SYT14: variants seen among roughly 807,000 people sequenced by gnomAD.
SYT14 encodes synaptotagmin-14.
Under a neutral mutation model 74.2 loss-of-function variants are expected in SYT14, and 32 were observed. The ratio of observed to expected loss-of-function variants is 0.43; its 90% CI spans 0.33 to 0.58. The LOEUF (loss-of-function observed/expected upper bound fraction) is 0.58, where lower values mean the gene tolerates loss of function less well. SYT14 is among the 20% of genes least tolerant of loss of function. The pLI is 0.05. For missense variants in SYT14, 791 were observed against 981.8 expected (o/e 0.81, Z 2.60); for synonymous variants, 298 against 337.7 (o/e 0.88, Z 1.29).
At chr1:210,136,271 C>T (rs536088670) in intron 7 of SYT14, among the ~76,000 whole-genome samples, 4 of 151,640 alleles carry the variant, frequency 2.6e-5, no homozygotes, top group Non-Finnish European at 4.4e-5. Context: ...TGTGTGTATG[C>T]GTGCATGTGT....
intron 5 of SYT14, among the ~76,000 whole-genome samples, chr1:210,036,842 G>T (rs2080675496): frequency 6.6e-6 from 1 of 151,982 alleles, no homozygotes; most frequent in Non-Finnish European, 1.5e-5. Context: ...CTAGTACTTT[G>T]TTGAAGATTT....
chr1:210,045,643 C>T (rs1354333322), intron 5 of SYT14, among the ~76,000 whole-genome samples: 1 of 152,100 alleles, frequency 6.6e-6, no homozygotes, highest in Non-Finnish European at 1.5e-5. Context: ...GAAAATGCAA[C>T]TTCTTATCTT....
At chr1:210,146,348 A>G (rs1032172944) in intron 7 of SYT14, among the ~76,000 whole-genome samples, 2 of 151,856 alleles carry the variant, frequency 1.3e-5, no homozygotes, top group African/African-American at 4.8e-5. Flanking sequence ...AAAAGAAAAA[A>G]CAGTATATGG....
At chr1:210,109,089 C>T (rs1364928530) in intron 7 of SYT14, among the ~76,000 whole-genome samples, 3 of 151,892 alleles carry the variant, frequency 2.0e-5, no homozygotes. Flanking sequence ...AAGGTTGAAT[C>T]CAGAATCAAA....
chr1:210,021,315 T>A, intron 5 of SYT14, 61 bp downstream of exon 4: 1 of 1,451,034 alleles, frequency 6.9e-7, no homozygotes, highest in Non-Finnish European at 9.6e-7. Context: ...TACTTGTGCC[T>A]GAAATTCTAG....
At position 209,959,337 on chromosome 1, in the gene SYT14, T is replaced by TCCACA. The variant is rs1283313595; in HGVS notation, c.-486+6581_-486+6582insCCACA. On this transcript the variant is annotated intron_variant, in intron 2 of 9. Coordinates refer to ENST00000637265, the Ensembl canonical transcript of SYT14. Reference sequence around the variant, plus strand: ...TTTTGTATTTTTAGTAGAGATGGGGTTTCACCACATTGGCCAGGCTGGTCT... The same window carrying TCCACA: ...TTTTGTATTTTTAGTAGAGATGGGGTCCACATTCACCACATTGGCCAGGCTGGTCT... Among the ~76,000 whole-genome samples the TCCACA allele has an allele frequency of 1.3e-4, 20 of 151,886 alleles. 1 individual carries two copies. In the East Asian group the frequency reaches 3.9e-3, roughly 30 times the overall value.
intron 5 of SYT14, among the ~76,000 whole-genome samples, chr1:210,085,489 C>T (rs1017401959): frequency 2.0e-5 from 3 of 152,212 alleles, no homozygotes; most frequent in South Asian, 2.1e-4. Flanking sequence ...CCATTAAATA[C>T]GATGTTTGCT....
Position 209,981,372 on chromosome 1 carries a change from A to G in SYT14, c.-486+28616A>G, listed in dbSNP as rs146653063. Among the ~76,000 whole-genome samples, 11 of 150,660 alleles carry G rather than the reference A, an allele frequency of 7.3e-5. No homozygotes were observed. The East Asian group carries it at 2.1e-3, about 29-fold the overall frequency. On this transcript the variant is annotated intron_variant, in intron 2 of 9. Coordinates refer to ENST00000637265, the Ensembl canonical transcript of SYT14. ...GAAAAAGATTTTATTTTTTCTTTGC[A>G]TATGAAGCTTAGTTTGGTGGAATAT...
intron 1 of SYT14, among the ~76,000 whole-genome samples, chr1:209,940,695 A>C (rs1380332318): frequency 6.6e-6 from 1 of 152,182 alleles, no homozygotes; most frequent in Non-Finnish European, 1.5e-5. Context: ...GCAATAAATT[A>C]AAAGCCCACT....
intron 2 of SYT14, among the ~76,000 whole-genome samples, chr1:209,985,718 A>C (rs1314876761): frequency 6.6e-6 from 1 of 152,216 alleles, no homozygotes; most frequent in Non-Finnish European, 1.5e-5. Context: ...TTCTTCCTAG[A>C]CACTCAGGCT....
intron 2 of SYT14, among the ~76,000 whole-genome samples, chr1:209,990,718 G>T (rs1228850557): frequency 6.7e-6 from 1 of 148,616 alleles, no homozygotes; most frequent in Non-Finnish European, 1.5e-5. Flanking sequence ...AATAACTAAT[G>T]TACTCCATAA....
At chr1:209,944,391 A>G (rs1572046981) in intron 1 of SYT14, among the ~76,000 whole-genome samples, 2 of 152,216 alleles carry the variant, frequency 1.3e-5, no homozygotes, top group South Asian at 2.1e-4. Context: ...ATTTAATTTT[A>G]TAAGATAAAA....
At chr1:210,168,560 T>G (rs2083481553) in exon 10 of SYT14, 1 of 152,182 alleles carries the variant, frequency 6.6e-6, no homozygotes, top group African/African-American at 2.4e-5. Context: ...TGAAAAAAAT[T>G]TTCAAACTTT....
intron 7 of SYT14, among the ~76,000 whole-genome samples, chr1:210,134,573 G>A (rs1190665110): frequency 1.3e-5 from 2 of 152,074 alleles, no homozygotes; most frequent in Non-Finnish European, 2.9e-5. Context: ...CACTTCAACT[G>A]TTTACAGAGT....
At chr1:209,948,305 C>T (rs548779682) in intron 1 of SYT14, among the ~76,000 whole-genome samples, 113 of 152,320 alleles carry the variant, frequency 7.4e-4, no homozygotes, top group South Asian at 5.2e-3. Context: ...TTTCCAGTTA[C>T]AGTCACACTT....
At chr1:210,145,594 A>G (rs1239788971) in intron 7 of SYT14, among the ~76,000 whole-genome samples, 4 of 152,360 alleles carry the variant, frequency 2.6e-5, no homozygotes, top group African/African-American at 9.6e-5. Flanking sequence ...AGCAACAGTT[A>G]CAGGACAGAA....
chr1:209,984,735 G>A (rs997323548), intron 2 of SYT14, among the ~76,000 whole-genome samples: 12 of 152,100 alleles, frequency 7.9e-5, no homozygotes, highest in Non-Finnish European at 1.6e-4. Flanking sequence ...ATTGGCTCAC[G>A]GTTCTGCAGG....
intron 7 of SYT14, among the ~76,000 whole-genome samples, chr1:210,125,361 C>T (rs1190377257): frequency 2.0e-5 from 3 of 152,100 alleles, no homozygotes; most frequent in Non-Finnish European, 4.4e-5. Context: ...CCTCCAGCTG[C>T]ATTGGTGTTG....
chr1:210,160,778 C>T (rs2083357322), exon 10 of SYT14: 1 of 1,613,872 alleles, frequency 6.2e-7, no homozygotes, highest in Non-Finnish European at 8.5e-7. Context: ...AAGAGATGTC[C>T]AAATGCAAGA....
Sources: gnomAD v4.1 joint callset for allele counts (sites outside exome capture counted in the v4.1 genomes callset) on GRCh38, gnomAD v4.1.1 for gene constraint, MANE v1.5 for transcripts, NCBI Gene and HGNC (gene_info 2026-07-23, HGNC 2026-07-21) for gene names.